Variants in LRRC8B observed in about 807,000 individuals in gnomAD.
LRRC8B encodes the protein volume-regulated anion channel subunit LRRC8B.
LRRC8B carries 23 observed loss-of-function variants against 58.8 expected under a neutral mutation model. The ratio of observed to expected loss-of-function variants is 0.39; its 90% CI spans 0.28 to 0.55. LRRC8B has a LOEUF of 0.55. Among genes scored for constraint, LRRC8B ranks in the 20% least tolerant of loss-of-function variants. LRRC8B has a pLI of 0.62. For missense variants in LRRC8B, 694 were observed against 936.0 expected (o/e 0.74, Z 3.37); for synonymous variants, 359 against 374.1 (o/e 0.96, Z 0.47).
Position 89,524,987 on chromosome 1 carries a change from C to T in LRRC8B, c.-276C>T, listed in dbSNP as rs186792135. 2 of 152,194 alleles carry T rather than the reference C, an allele frequency of 1.3e-5. No homozygotes were observed. The highest frequency in any genetic ancestry group is 2.4e-5 in the African/African-American group (1 of 41,546). 9.4% of individuals were successfully genotyped at this position (152,194 alleles called of 1,614,324 possible). A position where few individuals can be genotyped will look rare whatever the true frequency, so the allele number is the denominator to read the frequency against. ...CCCGGAGCGGCCCAGGAGCACGCCG[C>T]GGGGAGCGCGGGCGTCCGGGGCTGG... On this transcript the variant is annotated 5_prime_UTR_variant, in exon 1 of 6. Transcript: ENST00000330947.
chr1:89,576,779 A>G (rs1653882277), intron 3 of LRRC8B, among the ~76,000 whole-genome samples: 1 of 152,198 alleles, frequency 6.6e-6, no homozygotes, highest in South Asian at 2.1e-4. Flanking sequence ...TTTGAAAATC[A>G]CTGTACTAAC....
intron 1 of LRRC8B, among the ~76,000 whole-genome samples, chr1:89,564,259 G>C (rs1005105008): frequency 6.6e-6 from 1 of 152,156 alleles, no homozygotes; most frequent in African/African-American, 2.4e-5. Context: ...GGTGGAGGAA[G>C]CACTTGTTGG....
chr1:89,581,046 C>A (rs908121348), intron 4 of LRRC8B, among the ~76,000 whole-genome samples: 1 of 152,068 alleles, frequency 6.6e-6, no homozygotes, highest in Non-Finnish European at 1.5e-5. Flanking sequence ...AATCTCAGCT[C>A]TTTGAGAGGC....
In LRRC8B at chr1:89,584,559, T is replaced by C; in HGVS notation, c.1909T>C (p.Cys637Arg). Residue 637 changes from cysteine to arginine, a missense_variant, in exon 5 of 6, where the codon TGC (cysteine) becomes CGC (arginine). This residue lies in a region of LRRC8B where 53 missense variants were observed against 112.3 expected (regional missense o/e 0.47). Transcript: ENST00000330947. ...ISFQHLQNLS[C>R]LKLWHNNIAY... ...CTTTCAGCATCTTCAGAATCTTTCC[T>C]GCTTAAAGTTGTGGCACAATAACAT... The C allele has an allele frequency of 6.2e-7, 1 of 1,614,208 alleles. No individual in the cohort carries two copies.
At chr1:89,567,958 T>C (rs1250656097) in intron 1 of LRRC8B, among the ~76,000 whole-genome samples, 2 of 152,284 alleles carry the variant, frequency 1.3e-5, no homozygotes, top group East Asian at 1.9e-4. Flanking sequence ...TATTGTGCCA[T>C]TGAATTTTAC....
chr1:89,541,710 C>CAAAAAAAAAAAAAAAA lies in LRRC8B; in HGVS notation c.-241+16712_-241+16727dup, dbSNP rs61714771. On this transcript the variant is annotated intron_variant, in intron 1 of 5. Coordinates refer to ENST00000330947, the MANE Select transcript of LRRC8B (RefSeq NM_001369817.2). ...TGGGCGACAGAGGGAGACTCCGTCTCAAAAAAAAAAAAAAAAAAAAAAAAA... is the reference window on the plus strand; with the variant it reads ...TGGGCGACAGAGGGAGACTCCGTCTCAAAAAAAAAAAAAAAAAAAAAAAAAAAAAAAAAAAAAAAAA... 1.9e-4 allele frequency among the ~76,000 whole-genome samples: 8 copies of CAAAAAAAAAAAAAAAA among 42,230 alleles called. 2 individuals are homozygous for CAAAAAAAAAAAAAAAA. Among genetic ancestry groups the CAAAAAAAAAAAAAAAA allele is most frequent in the African/African-American group, 8.7e-4 (8 of 9,220 alleles). The allele number at this position is 42,230 out of a possible 152,430, so 27.7% of individuals were successfully genotyped here.
intron 1 of LRRC8B, among the ~76,000 whole-genome samples, chr1:89,526,168 ATG>A (rs1361683577): frequency 1.3e-5 from 2 of 152,192 alleles, no homozygotes; most frequent in East Asian, 1.9e-4. Flanking sequence ...AGTACCCTCT[ATG>A]TGTACAGGCT....
intron 1 of LRRC8B, among the ~76,000 whole-genome samples, chr1:89,534,243 G>C (rs1341866626): frequency 6.6e-6 from 1 of 152,130 alleles, no homozygotes; most frequent in Non-Finnish European, 1.5e-5. Flanking sequence ...ATTTTGAATA[G>C]TTGCAGACAG....
rs1413926999 is a variant in LRRC8B, at chr1:89,593,109, T to C, written c.*66T>C. Reference sequence around the variant, plus strand: ...AGTATGCTCGGCCGGGCGTGGTGGCTCATGCCTATAATCCCAGCACTTTGG... The same window carrying C: ...AGTATGCTCGGCCGGGCGTGGTGGCCCATGCCTATAATCCCAGCACTTTGG... On this transcript the variant is annotated 3_prime_UTR_variant, in exon 6 of 6. Transcript: ENST00000330947. 1.3e-6 allele frequency: 2 copies of C among 1,517,560 alleles called. No individual in the cohort carries two copies. Among genetic ancestry groups the C allele is most frequent in the East Asian group, 2.3e-5 (1 of 44,268 alleles). 94.0% of individuals were successfully genotyped at this position (1,517,560 alleles called of 1,614,324 possible).
rs78232697 is a variant in LRRC8B at position 89,580,017 on chromosome 1, C to G, written c.-27+329C>G. On this transcript the variant is annotated intron_variant, in intron 4 of 5. Coordinates refer to ENST00000330947, the MANE Select transcript of LRRC8B (RefSeq NM_001369817.2). ...CAGGACATAGAGCTGAACTGTTTCA[C>G]AGAGCAGCTAGTTCGATGACTTTCC... 3.9e-4 allele frequency among the ~76,000 whole-genome samples: 59 copies of G among 152,326 alleles called. 2 individuals carry two copies. The East Asian group carries it at 9.5e-3, about 24-fold the overall frequency.
At chr1:89,548,468 T>C (rs1651571045) in intron 1 of LRRC8B, among the ~76,000 whole-genome samples, 1 of 152,162 alleles carries the variant, frequency 6.6e-6, no homozygotes, top group African/African-American at 2.4e-5. Context: ...AGAAGGACAA[T>C]CAGAACCTTG....
intron 1 of LRRC8B, among the ~76,000 whole-genome samples, chr1:89,551,508 T>C (rs1270718594): frequency 6.6e-6 from 1 of 152,226 alleles, no homozygotes; most frequent in Admixed American, 6.5e-5. Flanking sequence ...TGTACAAATT[T>C]CTCATTTTCC....
chr1:89,567,236 C>G (rs1289868877), intron 1 of LRRC8B, among the ~76,000 whole-genome samples: 1 of 152,142 alleles, frequency 6.6e-6, no homozygotes, highest in Non-Finnish European at 1.5e-5. Context: ...CAACTTGGTA[C>G]TTTTATGTTT....
intron 3 of LRRC8B, among the ~76,000 whole-genome samples, chr1:89,574,958 G>A (rs1653735356): frequency 6.6e-6 from 1 of 152,170 alleles, no homozygotes; most frequent in Admixed American, 6.5e-5. Flanking sequence ...TCAGCTAGAC[G>A]GAAGGGCTTC....
At chr1:89,558,389 C>A (rs892699541) in intron 1 of LRRC8B, among the ~76,000 whole-genome samples, 1 of 152,180 alleles carries the variant, frequency 6.6e-6, no homozygotes, top group Non-Finnish European at 1.5e-5. Context: ...TGAGACATCA[C>A]TTTGTCTTTA....
chr1:89,587,390 C>T (rs1405306519), intron 5 of LRRC8B, among the ~76,000 whole-genome samples: 7 of 151,974 alleles, frequency 4.6e-5, no homozygotes, highest in Non-Finnish European at 7.4e-5. Context: ...AAAAATTAGC[C>T]GGGCATGGTG....
chr1:89,560,356 A>G (rs1051659984), intron 1 of LRRC8B, among the ~76,000 whole-genome samples: 1 of 151,976 alleles, frequency 6.6e-6, no homozygotes, highest in African/African-American at 2.4e-5. Flanking sequence ...ACTCATATAT[A>G]AGGCTTTAAT....
intron 1 of LRRC8B, among the ~76,000 whole-genome samples, chr1:89,529,596 C>A (rs1382018743): frequency 6.6e-6 from 1 of 152,012 alleles, no homozygotes; most frequent in Non-Finnish European, 1.5e-5. Flanking sequence ...GGTAGCTTTT[C>A]TTTTTTAATT....
At chr1:89,590,546 C>G (rs1164560120) in intron 5 of LRRC8B, among the ~76,000 whole-genome samples, 2 of 152,244 alleles carry the variant, frequency 1.3e-5, no homozygotes, top group Non-Finnish European at 2.9e-5. Context: ...CCCACTCCCA[C>G]TACCTTGGGA....
Sources: gnomAD v4.1 joint callset for allele counts (sites outside exome capture counted in the v4.1 genomes callset) on GRCh38, gnomAD v4.1.1 for gene constraint, gnomAD v4.1.1 regional missense constraint, MANE v1.5 for transcripts, NCBI Gene and HGNC (gene_info 2026-07-23, HGNC 2026-07-21) for gene names.